PDGFC: variants seen among roughly 807,000 people sequenced by gnomAD.
PDGFC encodes platelet-derived growth factor C.
A neutral mutation model predicts 35.5 loss-of-function variants in PDGFC; 12 were observed. The ratio of observed to expected loss-of-function variants is 0.34; its 90% CI spans 0.22 to 0.55. PDGFC has a LOEUF of 0.55. Ranked by LOEUF, PDGFC falls within the 20% of genes least tolerant of loss-of-function variation. The probability of loss-of-function intolerance (pLI) is 0.91; values close to 1 mark genes in which losing one functional copy is unlikely to be tolerated. For missense variants in PDGFC, 322 were observed against 412.4 expected (o/e 0.78, Z 1.90); for synonymous variants, 159 against 148.8 (o/e 1.07, Z -0.50).
intron 3 of PDGFC, among the ~76,000 whole-genome samples, chr4:156,780,788 G>A (rs1730956778): frequency 6.6e-6 from 1 of 152,144 alleles, no homozygotes; most frequent in Non-Finnish European, 1.5e-5. Flanking sequence ...GAAGCCATTA[G>A]AATGTATGCA....
intron 3 of PDGFC, among the ~76,000 whole-genome samples, chr4:156,794,124 A>G (rs551228798): frequency 1.3e-4 from 20 of 152,256 alleles, no homozygotes; most frequent in African/African-American, 4.8e-4. Flanking sequence ...TAAGGAAAAT[A>G]AACCTGAGAT....
chr4:156,925,784 C>T (rs1239241807), intron 1 of PDGFC, among the ~76,000 whole-genome samples: 1 of 150,274 alleles, frequency 6.7e-6, no homozygotes, highest in Non-Finnish European at 1.5e-5. Context: ...GGCATGAGGG[C>T]TCATGCCTGT....
intron 2 of PDGFC, among the ~76,000 whole-genome samples, chr4:156,825,727 T>C (rs1732449828): frequency 6.6e-6 from 1 of 151,762 alleles, no homozygotes; most frequent in Non-Finnish European, 1.5e-5. Context: ...GTTTACTCTC[T>C]GTCGGAAGGG....
chr4:156,944,460 A>G (rs2110917725), intron 1 of PDGFC, among the ~76,000 whole-genome samples: 1 of 152,228 alleles, frequency 6.6e-6, no homozygotes, highest in African/African-American at 2.4e-5. Context: ...CTGACTTCTT[A>G]TCATGATTAA....
chr4:156,875,913 T>C (rs1730106262), intron 1 of PDGFC, among the ~76,000 whole-genome samples: 1 of 152,096 alleles, frequency 6.6e-6, no homozygotes, highest in Non-Finnish European at 1.5e-5. Flanking sequence ...CACAGAAAAC[T>C]GAAGAAATTA....
In PDGFC at chr4:156,772,808, C is replaced by A. The variant is rs1471582831; in HGVS notation, c.581G>T (p.Ser194Ile). Reference sequence around the variant, plus strand: ...ATATCGAATAAGGTCTTCCAAGGTACTAAAGGCAGTTATAGCATTATTAAG... The same window carrying A: ...ATATCGAATAAGGTCTTCCAAGGTAATAAAGGCAGTTATAGCATTATTAAG... ...DLLNNAITAF[S>I]TLEDLIRYLE... The change falls in exon 4 of 6, where the codon AGT (serine) becomes ATT (isoleucine). Residue 194 changes from serine (S) to isoleucine (I), a missense_variant. Transcript: ENST00000502773. 23 of 1,612,886 alleles carry A rather than the reference C, an allele frequency of 1.4e-5. No homozygotes were observed. Among genetic ancestry groups the A allele is most frequent in the Non-Finnish European group, 1.9e-5 (22 of 1,179,132 alleles).
chr4:156,947,781 A>C (rs1731981718), intron 1 of PDGFC, among the ~76,000 whole-genome samples: 2 of 152,138 alleles, frequency 1.3e-5, no homozygotes, highest in East Asian at 1.9e-4. Flanking sequence ...TTCCTAGGAC[A>C]AAATATTCTA....
chr4:156,868,982 C>T (rs942022729), intron 1 of PDGFC, among the ~76,000 whole-genome samples: 4 of 152,160 alleles, frequency 2.6e-5, no homozygotes, highest in East Asian at 1.9e-4. Flanking sequence ...TGCAAACTCA[C>T]GATCAGTTTA....
intron 1 of PDGFC, among the ~76,000 whole-genome samples, chr4:156,887,598 T>C (rs1472934440): frequency 6.6e-6 from 1 of 152,080 alleles, no homozygotes; most frequent in East Asian, 1.9e-4. Flanking sequence ...AGAAGAATAA[T>C]GTATACATTT....
intron 1 of PDGFC, among the ~76,000 whole-genome samples, chr4:156,924,627 C>T (rs1731363789): frequency 2.0e-5 from 3 of 152,062 alleles, no homozygotes; most frequent in Admixed American, 6.5e-5. Flanking sequence ...GAAGAAATGT[C>T]GGTCAGGAAA....
intron 5 of PDGFC, among the ~76,000 whole-genome samples, chr4:156,765,883 T>C (rs1454151765): frequency 1.1e-4 from 17 of 152,012 alleles, no homozygotes; most frequent in Admixed American, 9.8e-4. Context: ...GGCATGAAAA[T>C]TGCCAGGCTT....
chr4:156,894,752 T>C (rs1254686626), intron 1 of PDGFC, among the ~76,000 whole-genome samples: 1 of 152,114 alleles, frequency 6.6e-6, no homozygotes, highest in Non-Finnish European at 1.5e-5. Context: ...GAAGACAGAA[T>C]TTCTCTAAAA....
chr4:156,855,190 T>C (rs1257942306), intron 1 of PDGFC, among the ~76,000 whole-genome samples: 2 of 152,156 alleles, frequency 1.3e-5, no homozygotes, highest in Admixed American at 1.3e-4. Context: ...TACCATGCAT[T>C]ACATACTCTT....
chr4:156,948,546 A>C (rs1367690693), intron 1 of PDGFC, among the ~76,000 whole-genome samples: 1 of 151,972 alleles, frequency 6.6e-6, no homozygotes, highest in Non-Finnish European at 1.5e-5. Flanking sequence ...AGAAAATGCT[A>C]TTTGTATTTG....
At chr4:156,947,821 G>A (rs567137018) in intron 1 of PDGFC, among the ~76,000 whole-genome samples, 4 of 152,110 alleles carry the variant, frequency 2.6e-5, no homozygotes, top group Admixed American at 1.3e-4. Flanking sequence ...ATACTGTGGA[G>A]AGTGTGAATG....
intron 1 of PDGFC, among the ~76,000 whole-genome samples, chr4:156,867,942 A>T (rs568177530): frequency 1.3e-5 from 2 of 152,114 alleles, no homozygotes; most frequent in East Asian, 3.9e-4. Context: ...ACAGGGCCCA[A>T]TGTTGGCTCA....
At chr4:156,783,522 C>T (rs1301622662) in intron 3 of PDGFC, among the ~76,000 whole-genome samples, 1 of 152,076 alleles carries the variant, frequency 6.6e-6, no homozygotes. Flanking sequence ...TGTCACATGG[C>T]TAATCACTAC....
At chr4:156,849,683 G>A (rs1030069703) in intron 2 of PDGFC, among the ~76,000 whole-genome samples, 4 of 152,054 alleles carry the variant, frequency 2.6e-5, no homozygotes, top group Admixed American at 6.6e-5. Context: ...AAGGCATAAC[G>A]TTAGCCTAAA....
chr4:156,768,835 G>C (rs1263004491), intron 4 of PDGFC, among the ~76,000 whole-genome samples: 2 of 151,964 alleles, frequency 1.3e-5, no homozygotes, highest in Non-Finnish European at 2.9e-5. Flanking sequence ...CTTTATTGCA[G>C]TAAATCCTCA....
Sources: allele counts gnomAD v4.1 joint callset (sites outside exome capture counted in the v4.1 genomes callset), GRCh38; gene constraint gnomAD v4.1.1; transcripts MANE v1.5; gene names NCBI Gene and HGNC (gene_info 2026-07-23, HGNC 2026-07-21).